Variants in RNGTT observed in about 807,000 individuals in gnomAD.
RNGTT encodes the protein RNA guanylyltransferase and 5'-phosphatase, also known as mRNA-capping enzyme.
Under a neutral mutation model 79.3 loss-of-function variants are expected in RNGTT, and 33 were observed. The observed-to-expected ratio is 0.42, with a 90% CI of 0.32 to 0.56. The LOEUF is 0.56. Among genes scored for constraint, RNGTT ranks in the 20% least tolerant of loss-of-function variants. The pLI is 0.17. For synonymous variants in RNGTT, 222 were observed against 235.9 expected, an observed-to-expected ratio of 0.94 and a Z score of 0.54; for missense variants, 497 against 739.1, an observed-to-expected ratio of 0.67 and a Z score of 3.80.
At chr6:88,821,655 A>C (rs1158595470) in intron 11 of RNGTT, among the ~76,000 whole-genome samples, 4 of 152,012 alleles carry the variant, frequency 2.6e-5, no homozygotes, top group African/African-American at 9.7e-5. Context: ...TGTATAAAAT[A>C]TGCCTAAGCA....
chr6:88,914,218 T>C (rs1324509723), intron 4 of RNGTT, among the ~76,000 whole-genome samples: 1 of 152,066 alleles, frequency 6.6e-6, no homozygotes, highest in African/African-American at 2.4e-5. Flanking sequence ...TCCAAAGCAA[T>C]CTGCAGATTC....
At chr6:88,937,559 C>T (rs1223295253) in intron 2 of RNGTT, among the ~76,000 whole-genome samples, 1 of 149,788 alleles carries the variant, frequency 6.7e-6, no homozygotes. Flanking sequence ...TTGTTTAGTT[C>T]TGCTCTGATC....
chr6:88,917,244 A>G (rs969608663), intron 4 of RNGTT, among the ~76,000 whole-genome samples: 5 of 152,222 alleles, frequency 3.3e-5, no homozygotes, highest in African/African-American at 9.6e-5. Flanking sequence ...CCAAATCACC[A>G]ATTTCTACAT....
rs1772269203 is a variant in RNGTT at position 88,617,334 on chromosome 6, T to G, written c.1507-2939A>C. Among the ~76,000 whole-genome samples the G allele has an allele frequency of 2.0e-5, 3 of 152,170 alleles. No homozygotes were observed. The South Asian group carries it at 6.2e-4, about 32-fold the overall frequency. On this transcript the variant is annotated intron_variant, in intron 14 of 15. Coordinates refer to ENST00000369485, the MANE Select transcript of RNGTT (RefSeq NM_003800.5). ...AATAGTTTAAGGTCTTATGTTTTGGTCTTTATTTTTGTGTTAATTTTTGTA... is the reference window on the plus strand; with the variant it reads ...AATAGTTTAAGGTCTTATGTTTTGGGCTTTATTTTTGTGTTAATTTTTGTA...
chr6:88,730,644 T>C (rs1164840541), intron 13 of RNGTT, among the ~76,000 whole-genome samples: 1 of 152,254 alleles, frequency 6.6e-6, no homozygotes, highest in Non-Finnish European at 1.5e-5. Flanking sequence ...GCTCACCTCC[T>C]GCTGCGCAGC....
chr6:88,647,538 T>C (rs779290724), intron 14 of RNGTT, among the ~76,000 whole-genome samples: 16 of 151,538 alleles, frequency 1.1e-4, no homozygotes, highest in Admixed American at 5.9e-4. Context: ...CTGGGCAACA[T>C]AGGGAGGTCC....
At chr6:88,905,058 G>A in intron 5 of RNGTT, 103 bp from the exon 6 acceptor site, 5 of 1,428,450 alleles carry the variant, frequency 3.5e-6, no homozygotes, top group East Asian at 2.3e-5. Context: ...AAGTACAACA[G>A]AAGTTTATAA....
At chr6:88,626,475 C>T (rs1772637488) in intron 14 of RNGTT, among the ~76,000 whole-genome samples, 1 of 151,980 alleles carries the variant, frequency 6.6e-6, no homozygotes, top group Non-Finnish European at 1.5e-5. Flanking sequence ...TTACATTTCA[C>T]TTGGAAGAGT....
intron 13 of RNGTT, among the ~76,000 whole-genome samples, chr6:88,706,156 C>T (rs1307089870): frequency 6.6e-6 from 1 of 151,986 alleles, no homozygotes. Flanking sequence ...TCAGCAGCAG[C>T]AAGCAAGCAT....
At chr6:88,888,218 C>T (rs1015300129) in intron 8 of RNGTT, among the ~76,000 whole-genome samples, 2 of 152,092 alleles carry the variant, frequency 1.3e-5, no homozygotes, top group African/African-American at 4.8e-5. Context: ...TCCCAAATCC[C>T]CAGTTCATTT....
At chr6:88,826,321 T>G (rs1417894089) in intron 11 of RNGTT, among the ~76,000 whole-genome samples, 1 of 152,236 alleles carries the variant, frequency 6.6e-6, no homozygotes, top group Admixed American at 6.5e-5. Flanking sequence ...TTTGTTTTCA[T>G]GCATTTGTCT....
chr6:88,913,902 G>A (rs1182324961), intron 4 of RNGTT, among the ~76,000 whole-genome samples: 1 of 152,054 alleles, frequency 6.6e-6, no homozygotes, highest in African/African-American at 2.4e-5. Flanking sequence ...CAAATAGGAA[G>A]AGAGGACATC....
intron 1 of RNGTT, among the ~76,000 whole-genome samples, chr6:88,944,635 T>A (rs1168212898): frequency 6.6e-6 from 1 of 151,886 alleles, no homozygotes; most frequent in East Asian, 1.9e-4. Flanking sequence ...AACTCTCCCT[T>A]ATCCCCCAAC....
chr6:88,735,941 T>C (rs181352835), intron 13 of RNGTT, among the ~76,000 whole-genome samples: 12 of 151,872 alleles, frequency 7.9e-5, no homozygotes, highest in Non-Finnish European at 1.2e-4. Context: ...GCCAGACTAA[T>C]CAAGAAGAAA....
intron 8 of RNGTT, among the ~76,000 whole-genome samples, chr6:88,856,058 G>A (rs553122016): frequency 6.6e-6 from 1 of 152,314 alleles, no homozygotes; most frequent in South Asian, 2.1e-4. Flanking sequence ...AGGCAAATAA[G>A]TTAGGAAACC....
chr6:88,759,249 C>T lies in RNGTT; in HGVS notation c.1439+10525G>A, dbSNP rs200907055. Among the ~76,000 whole-genome samples, 47 of 152,302 alleles carry T rather than the reference C, an allele frequency of 3.1e-4. 1 individual carries two copies. Among genetic ancestry groups the T allele is most frequent in the African/African-American group, 1.1e-3 (45 of 41,570 alleles). ...CTTCAAGTTGGCTCCTGCATCCTTTCGACATACATTGTTTTTGTTGGGTTG... is the reference window on the plus strand; with the variant it reads ...CTTCAAGTTGGCTCCTGCATCCTTTTGACATACATTGTTTTTGTTGGGTTG... On this transcript the variant is annotated intron_variant, in intron 13 of 15. Coordinates refer to ENST00000369485, the MANE Select transcript of RNGTT (RefSeq NM_003800.5).
chr6:88,801,693 ACTT>A, intron 11 of RNGTT, 61 bp from the exon 12 acceptor site: 1 of 1,119,874 alleles, frequency 8.9e-7, no homozygotes, highest in Admixed American at 1.8e-5. Flanking sequence ...AAGTATTTAA[ACTT>A]CTTGCTAAGC....
chr6:88,617,148 C>A (rs981609119), intron 14 of RNGTT, among the ~76,000 whole-genome samples: 1 of 152,218 alleles, frequency 6.6e-6, no homozygotes, highest in South Asian at 2.1e-4. Context: ...CAGGTGCCTG[C>A]AGTCCCAGCT....
chr6:88,749,240 G>A (rs1301512808), intron 13 of RNGTT, among the ~76,000 whole-genome samples: 2 of 152,050 alleles, frequency 1.3e-5, no homozygotes, highest in African/African-American at 4.8e-5. Context: ...AGCAAAAGAA[G>A]TTGTAAATAT....
Sources: allele counts gnomAD v4.1 joint callset (sites outside exome capture counted in the v4.1 genomes callset), GRCh38; gene constraint gnomAD v4.1.1; transcripts MANE v1.5; gene names NCBI Gene and HGNC (gene_info 2026-07-23, HGNC 2026-07-21).